SLC24A4: variants seen among roughly 807,000 people sequenced by gnomAD.
The protein encoded by SLC24A4 is sodium/potassium/calcium exchanger 4.
A neutral mutation model predicts 79.0 loss-of-function variants in SLC24A4; 53 were observed. The observed-to-expected ratio is 0.67, with a 90% CI of 0.54 to 0.84. The LOEUF is 0.84. Ranked by LOEUF, SLC24A4 falls within the 40% of genes least tolerant of loss-of-function variation. The pLI is 0.00. For missense variants in SLC24A4, 731 were observed against 822.0 expected, an observed-to-expected ratio of 0.89 and a Z score of 1.35; for synonymous variants, 323 against 323.8, an observed-to-expected ratio of 1.00 and a Z score of 0.03.
At chr14:92,384,764 A>G (rs1220224877) in intron 2 of SLC24A4, among the ~76,000 whole-genome samples, 1 of 152,180 alleles carries the variant, frequency 6.6e-6, no homozygotes, top group Non-Finnish European at 1.5e-5. Flanking sequence ...ATGCAAAGAA[A>G]GGAGGGATCT....
intron 3 of SLC24A4, among the ~76,000 whole-genome samples, chr14:92,435,407 G>A (rs1892110964): frequency 6.6e-6 from 1 of 152,226 alleles, no homozygotes. Flanking sequence ...TTCAGAGGCA[G>A]AGCTGAGTCC....
intron 2 of SLC24A4, among the ~76,000 whole-genome samples, 173 bp downstream of exon 2, chr14:92,326,151 T>C (rs1433645819): frequency 6.6e-6 from 1 of 152,244 alleles, no homozygotes; most frequent in Non-Finnish European, 1.5e-5. Flanking sequence ...TCAATGGTGC[T>C]GCTAAGCAAC....
At chr14:92,344,172 G>A (rs570511662) in intron 2 of SLC24A4, among the ~76,000 whole-genome samples, 1 of 152,196 alleles carries the variant, frequency 6.6e-6, no homozygotes, top group Non-Finnish European at 1.5e-5. Context: ...CACCACTTAC[G>A]TGATGTCTGA....
In SLC24A4 at chr14:92,441,912, T is replaced by G. The variant is rs1416513065; in HGVS notation, c.394-177T>G. ...TCTGAGTGGAATGCCTGGTGGAGGC[T>G]GGAGGGCAGATGGCAGAGGGCACAC... On this transcript the variant is annotated intron_variant, in intron 4 of 16. Coordinates refer to ENST00000532405, the MANE Select transcript of SLC24A4 (RefSeq NM_153646.4). This position sits in a 1 kb window ranked among gnomAD's most constrained non-coding sequence, Gnocchi z 4.6. 6.6e-6 allele frequency among the ~76,000 whole-genome samples: 1 copy of G among 152,114 alleles called. No individual in the cohort carries two copies. Among genetic ancestry groups the G allele is most frequent in the Non-Finnish European group, 1.5e-5 (1 of 68,006 alleles).
intron 7 of SLC24A4, 120 bp downstream of exon 7, chr14:92,443,594 G>C: frequency 9.9e-7 from 1 of 1,013,146 alleles, no homozygotes; most frequent in Admixed American, 2.0e-5. Flanking sequence ...ACAATAGTGG[G>C]GTGTGCCAGC....
At chr14:92,489,031 C>T (rs1347316947) in intron 14 of SLC24A4, among the ~76,000 whole-genome samples, 5 of 152,020 alleles carry the variant, frequency 3.3e-5, no homozygotes, top group African/African-American at 9.7e-5. Context: ...GTGGCTACAG[C>T]GAAATGTGGA....
chr14:92,356,556 C>G (rs1301135593), intron 2 of SLC24A4, among the ~76,000 whole-genome samples: 3 of 152,136 alleles, frequency 2.0e-5, no homozygotes, highest in Non-Finnish European at 2.9e-5. Flanking sequence ...CCTTTCTGTG[C>G]CTTAGTTTCT....
intron 10 of SLC24A4, chr14:92,452,570 G>A (rs1893202587): frequency 4.0e-5 from 6 of 151,606 alleles, no homozygotes; most frequent in Admixed American, 3.9e-4. Context: ...CCAGACTCTC[G>A]GCACCCACCG....
chr14:92,463,218 A>G (rs1893913917), intron 12 of SLC24A4, among the ~76,000 whole-genome samples: 1 of 152,150 alleles, frequency 6.6e-6, no homozygotes, highest in Admixed American at 6.5e-5. Flanking sequence ...TCAGTTTTAA[A>G]TAGCTCTTGA....
At chr14:92,424,393 G>A (rs1256607341) in intron 2 of SLC24A4, among the ~76,000 whole-genome samples, 3 of 152,146 alleles carry the variant, frequency 2.0e-5, no homozygotes. Flanking sequence ...AAGAAAAAAG[G>A]TTTCTTTAGC....
intron 2 of SLC24A4, among the ~76,000 whole-genome samples, chr14:92,332,401 A>T (rs1885533319): frequency 6.6e-6 from 1 of 152,204 alleles, no homozygotes; most frequent in African/African-American, 2.4e-5. Context: ...AGTTATATGC[A>T]GGCCAGGCAC....
At chr14:92,366,741 A>G (rs969754631) in intron 2 of SLC24A4, among the ~76,000 whole-genome samples, 2 of 152,208 alleles carry the variant, frequency 1.3e-5, no homozygotes, top group African/African-American at 2.4e-5. Flanking sequence ...TCGGCTGGAT[A>G]ATGAGGAGCA....
chr14:92,371,670 C>T (rs1160829691), intron 2 of SLC24A4, among the ~76,000 whole-genome samples: 2 of 152,238 alleles, frequency 1.3e-5, no homozygotes, highest in Non-Finnish European at 2.9e-5. Context: ...TTTTCTTTCA[C>T]CTATTAAACT....
chr14:92,444,759 G>A (rs1436534875), intron 7 of SLC24A4, among the ~76,000 whole-genome samples: 2 of 152,070 alleles, frequency 1.3e-5, no homozygotes, highest in South Asian at 2.1e-4. Flanking sequence ...GGAGCCTGAG[G>A]CAGGAGAATT....
chr14:92,366,021 C>T (rs1293569359), intron 2 of SLC24A4, among the ~76,000 whole-genome samples: 1 of 152,174 alleles, frequency 6.6e-6, no homozygotes, highest in Non-Finnish European at 1.5e-5. Flanking sequence ...ATCCTTCATG[C>T]GTGTAAACTG....
chr14:92,372,835 T>C (rs17128266), intron 2 of SLC24A4, among the ~76,000 whole-genome samples: 8,055 of 151,268 alleles, frequency 0.053, 471 homozygotes, highest in African/African-American at 0.14. Context: ...ATTTGCACCT[T>C]GCTAGGCCTC....
At chr14:92,421,906 A>G (rs1891303587) in intron 2 of SLC24A4, among the ~76,000 whole-genome samples, 1 of 152,208 alleles carries the variant, frequency 6.6e-6, no homozygotes, top group Non-Finnish European at 1.5e-5. Flanking sequence ...GGGGCCCTGG[A>G]AAGGGCAGCC....
chr14:92,356,010 A>G (rs1369940182), intron 2 of SLC24A4, among the ~76,000 whole-genome samples: 1 of 152,218 alleles, frequency 6.6e-6, no homozygotes, highest in African/African-American at 2.4e-5. Flanking sequence ...AGCAATTTGC[A>G]TTCAGTAGAA....
At chr14:92,389,614 G>A (rs1056580136) in intron 2 of SLC24A4, among the ~76,000 whole-genome samples, 1 of 152,156 alleles carries the variant, frequency 6.6e-6, no homozygotes, top group Non-Finnish European at 1.5e-5. Context: ...CAAGGACCTA[G>A]CAATCGTTAT....
Sources: gnomAD v4.1 joint callset for allele counts (sites outside exome capture counted in the v4.1 genomes callset) on GRCh38, gnomAD v4.1.1 for gene constraint, Gnocchi (gnomAD v3.1) non-coding constraint, MANE v1.5 for transcripts, NCBI Gene and HGNC (gene_info 2026-07-23, HGNC 2026-07-21) for gene names.